Variants in LEKR1 observed in about 807,000 individuals in gnomAD.
The protein encoded by LEKR1 is leucine, glutamate and lysine rich 1.
LEKR1 carries 59 observed loss-of-function variants against 72.4 expected under a neutral mutation model. That is an observed-to-expected ratio of 0.82 (90% CI 0.66 to 1.01). LEKR1 has a LOEUF of 1.01. Among genes scored for constraint, LEKR1 ranks in the 50% least tolerant of loss-of-function variants. The pLI, the probability that LEKR1 is intolerant of heterozygous loss-of-function variation, is 0.00. For missense variants in LEKR1, 728 were observed against 759.2 expected (o/e 0.96, Z 0.48); for synonymous variants, 257 against 263.2 (o/e 0.98, Z 0.23).
intron 1 of LEKR1, among the ~76,000 whole-genome samples, chr3:156,827,889 G>C (rs898514263): frequency 3.5e-4 from 54 of 152,338 alleles, no homozygotes; most frequent in African/African-American, 1.2e-3. Flanking sequence ...AGGATGTTTA[G>C]ATGGTAATTT....
intron 5 of LEKR1, among the ~76,000 whole-genome samples, chr3:156,936,892 T>G (rs527537334): frequency 2.5e-4 from 38 of 152,252 alleles, no homozygotes; most frequent in African/African-American, 8.7e-4. Flanking sequence ...AAAAAAATCT[T>G]TGGGGCCTAG....
intron 3 of LEKR1, among the ~76,000 whole-genome samples, chr3:156,879,959 G>A (rs549818208): frequency 6.6e-6 from 1 of 152,234 alleles, no homozygotes; most frequent in Non-Finnish European, 1.5e-5. Flanking sequence ...GCATAAGTTT[G>A]CTGCAGGGGC....
At position 156,914,204 on chromosome 3, in the gene LEKR1, T is replaced by A. The variant is rs143476726; in HGVS notation, c.264-6371T>A. On this transcript the variant is annotated intron_variant, in intron 3 of 12. Coordinates refer to ENST00000356539, the MANE Select transcript of LEKR1 (RefSeq NM_001004316.3). ...AATATTTTAAGTTCTGTGATACATG[T>A]GCAGAACGTGCAGGTTTGTTACATA... Among the ~76,000 whole-genome samples the A allele has an allele frequency of 1.7e-3, 265 of 152,322 alleles. 4 individuals are homozygous for A. The East Asian group carries it at 0.042, about 24-fold the overall frequency.
intron 3 of LEKR1, among the ~76,000 whole-genome samples, chr3:156,895,817 T>C (rs1721123585): frequency 6.6e-6 from 1 of 152,170 alleles, no homozygotes; most frequent in Non-Finnish European, 1.5e-5. Context: ...CTCAAAGTTC[T>C]AGAAGGAGAA....
At chr3:157,007,780 C>T (rs761597885) in intron 9 of LEKR1, among the ~76,000 whole-genome samples, 3 of 152,192 alleles carry the variant, frequency 2.0e-5, no homozygotes, top group African/African-American at 4.8e-5. Context: ...AAGCAGATAA[C>T]ACATAATCCA....
intron 3 of LEKR1, among the ~76,000 whole-genome samples, chr3:156,880,201 A>G (rs1361423179): frequency 3.3e-5 from 5 of 152,238 alleles, no homozygotes; most frequent in Non-Finnish European, 7.3e-5. Context: ...CTGCAAAGCC[A>G]CAGGGGCGGA....
intron 4 of LEKR1, among the ~76,000 whole-genome samples, chr3:156,925,543 T>G (rs1337565955): frequency 2.6e-5 from 4 of 152,090 alleles, no homozygotes; most frequent in African/African-American, 9.7e-5. Flanking sequence ...CTGTTTTTCT[T>G]GCCTCTTATT....
In LEKR1 at chr3:156,889,415, G is replaced by C. The variant is rs139963091; in HGVS notation, c.264-31160G>C. Among the ~76,000 whole-genome samples, 32 of 151,952 alleles carry C rather than the reference G, an allele frequency of 2.1e-4. No homozygotes were observed. In the East Asian group the frequency reaches 5.4e-3, roughly 26 times the overall value. On this transcript the variant is annotated intron_variant, in intron 3 of 12. Transcript: ENST00000356539. ...AGTTAGAAGGAGATGAAAATAATTT[G>C]CTGTGGGTGCTAGAATATTAAGTGG...
chr3:156,882,239 C>T (rs1351526544), intron 3 of LEKR1, among the ~76,000 whole-genome samples: 19 of 151,940 alleles, frequency 1.3e-4, no homozygotes, highest in South Asian at 1.0e-3. Flanking sequence ...AGAAAATTTT[C>T]GCAACCTACT....
intron 6 of LEKR1, among the ~76,000 whole-genome samples, chr3:156,978,588 T>C (rs1038458567): frequency 6.6e-6 from 1 of 152,212 alleles, no homozygotes; most frequent in African/African-American, 2.4e-5. Context: ...CACACACTTG[T>C]TAGACAGGGC....
chr3:156,990,180 C>A (rs1203040462), intron 7 of LEKR1, among the ~76,000 whole-genome samples: 2 of 151,954 alleles, frequency 1.3e-5, no homozygotes, highest in Admixed American at 1.3e-4. Context: ...ATAAAAAATT[C>A]TTCATTTTTA....
intron 2 of LEKR1, among the ~76,000 whole-genome samples, chr3:156,848,027 A>C (rs1458736288): frequency 2.0e-5 from 3 of 152,236 alleles, no homozygotes; most frequent in Non-Finnish European, 2.9e-5. Context: ...TAGAATAAAG[A>C]TAGGACACTT....
At chr3:157,045,142 A>G (rs1042282727) in intron 12 of LEKR1, among the ~76,000 whole-genome samples, 198 bp from the exon 13 acceptor site, 2 of 151,990 alleles carry the variant, frequency 1.3e-5, no homozygotes, top group Non-Finnish European at 2.9e-5. Context: ...TGAACCAAAT[A>G]TTTTCTTCAA....
chr3:156,859,879 C>T (rs888557818), intron 3 of LEKR1, among the ~76,000 whole-genome samples: 13 of 152,158 alleles, frequency 8.5e-5, no homozygotes, highest in Non-Finnish European at 1.6e-4. Flanking sequence ...GTCATTCAGT[C>T]ACCCTTCCCC....
intron 3 of LEKR1, among the ~76,000 whole-genome samples, chr3:156,910,445 A>C (rs1462583290): frequency 2.6e-5 from 4 of 152,236 alleles, no homozygotes; most frequent in African/African-American, 9.6e-5. Context: ...ACTGTGGGAG[A>C]TAATTGAATC....
intron 6 of LEKR1, among the ~76,000 whole-genome samples, chr3:156,958,813 G>T (rs182287154): frequency 3.3e-5 from 5 of 152,044 alleles, no homozygotes; most frequent in Non-Finnish European, 5.9e-5. Context: ...TTATATACAG[G>T]TACTTTTAAC....
chr3:157,024,392 A>G (rs975622591), intron 10 of LEKR1, among the ~76,000 whole-genome samples: 1 of 152,200 alleles, frequency 6.6e-6, no homozygotes, highest in Non-Finnish European at 1.5e-5. Context: ...TTTAAGCAGA[A>G]CTTAGTCTAA....
chr3:156,976,746 G>A (rs1351980713), intron 6 of LEKR1, among the ~76,000 whole-genome samples: 1 of 152,150 alleles, frequency 6.6e-6, no homozygotes, highest in East Asian at 1.9e-4. Flanking sequence ...TATATTTCAA[G>A]TGTGAGAGAT....
chr3:156,883,008 G>A (rs1241487864), intron 3 of LEKR1, among the ~76,000 whole-genome samples: 1 of 149,854 alleles, frequency 6.7e-6, no homozygotes, highest in Non-Finnish European at 1.5e-5. Flanking sequence ...GTTGTGGGTT[G>A]GGGGGAGGGG....
Sources: allele counts gnomAD v4.1 joint callset (sites outside exome capture counted in the v4.1 genomes callset), GRCh38; gene constraint gnomAD v4.1.1; transcripts MANE v1.5; gene names NCBI Gene and HGNC (gene_info 2026-07-23, HGNC 2026-07-21).